TRAPPC9: variants seen among roughly 807,000 people sequenced by gnomAD.
TRAPPC9 encodes IKK2 binding protein.
A neutral mutation model predicts 124.0 loss-of-function variants in TRAPPC9; 83 were observed. The observed-to-expected ratio is 0.67, with a 90% CI of 0.56 to 0.80. The LOEUF (loss-of-function observed/expected upper bound fraction) is 0.80, where lower values mean the gene tolerates loss of function less well. TRAPPC9 is among the 30% of genes least tolerant of loss of function. The probability of loss-of-function intolerance (pLI) is 0.00; values close to 1 mark genes in which losing one functional copy is unlikely to be tolerated. For missense variants in TRAPPC9, 1,302 were observed against 1,508.3 expected, an observed-to-expected ratio of 0.86 and a Z score of 2.27; for synonymous variants, 638 against 617.5, an observed-to-expected ratio of 1.03 and a Z score of -0.49.
intron 20 of TRAPPC9, among the ~76,000 whole-genome samples, chr8:139,901,215 C>G (rs1002378569): frequency 2.6e-5 from 4 of 152,118 alleles, no homozygotes; most frequent in Admixed American, 6.5e-5. Flanking sequence ...GGAAAATAGG[C>G]TGTTTGCATC....
At chr8:139,945,543 C>CAAAA (rs61528944) in intron 19 of TRAPPC9, among the ~76,000 whole-genome samples, 52 of 66,164 alleles carry the variant, frequency 7.9e-4, no homozygotes, top group Admixed American at 1.0e-3. Flanking sequence ...GCACAATTAG[C>CAAAA]AAAAAAAAAA....
rs116464181 is a variant in TRAPPC9 at position 140,027,424 on chromosome 8, G to A, written c.2557-3345C>T. ...ACACTGGCTTCTTGTTTGTTTTTTT[G>A]AGGTAAACTTAAAAGTCACCTACAG... On this transcript the variant is annotated intron_variant, in intron 17 of 22. Coordinates refer to ENST00000438773, the MANE Select transcript of TRAPPC9 (RefSeq NM_001160372.4). 4.8e-3 allele frequency among the ~76,000 whole-genome samples: 735 copies of A among 152,066 alleles called. 6 individuals carry two copies. Among genetic ancestry groups the A allele is most frequent in the African/African-American group, 0.017 (692 of 41,466 alleles).
chr8:140,272,130 C>CGATGGTGATGGTGGCGATGGT (rs2064931327), intron 15 of TRAPPC9, among the ~76,000 whole-genome samples: 9 of 100,382 alleles, frequency 9.0e-5, no homozygotes, highest in African/African-American at 3.1e-4. Context: ...GTGATGGTGG[C>CGATGGTGATGGTGGCGATGGT]GATGGTGATG....
intron 17 of TRAPPC9, among the ~76,000 whole-genome samples, chr8:140,078,000 A>G (rs541272337): frequency 1.3e-5 from 2 of 152,294 alleles, no homozygotes; most frequent in African/African-American, 4.8e-5. Flanking sequence ...AATTAGATAC[A>G]AAGTGTGAAA....
Position 139,853,199 on chromosome 8 carries a change from G to A in TRAPPC9, c.3055+32680C>T, listed in dbSNP as rs139196376. On this transcript the variant is annotated intron_variant, in intron 21 of 22. Transcript: ENST00000438773. ...GGTTCTGGCCAGCCTTCCCAAGCTC[G>A]GCTCCTGTAGCACATGGCGGTGGCA... 3.1e-3 allele frequency among the ~76,000 whole-genome samples: 476 copies of A among 152,240 alleles called. 3 individuals are homozygous for A. The highest frequency in any genetic ancestry group is 4.4e-3 in the Non-Finnish European group (299 of 68,000).
Position 140,221,498 on chromosome 8 carries a change from TGGGTTCACA to T in TRAPPC9, c.2508_2516del (p.Val837_Pro839del). 6.2e-7 allele frequency: 1 copy of T among 1,614,080 alleles called. No homozygotes were observed. The highest frequency in any genetic ancestry group is 1.1e-5 in the South Asian group (1 of 91,070). ...AGTCGCCTGCTTTGTTGCTCTCGGG[TGGGTTCACA>T]GGTTTGCCCTCCACTCGGGGCCGAA... On this transcript the variant is annotated inframe_deletion, in exon 17 of 23. Coordinates refer to ENST00000438773, the MANE Select transcript of TRAPPC9 (RefSeq NM_001160372.4).
rs539669625 is a variant in TRAPPC9, at chr8:139,967,340, T to C, written c.2810+21386A>G. Among the ~76,000 whole-genome samples the C allele has an allele frequency of 7.2e-5, 11 of 152,328 alleles. No individual in the cohort carries two copies. In the South Asian group the frequency reaches 2.1e-3, roughly 29 times the overall value. On this transcript the variant is annotated intron_variant, in intron 19 of 22. Transcript: ENST00000438773. Reference sequence around the variant, plus strand: ...GGCTGCAATAGACACAGAACTTAAATGAGAAACAAGTATTTGTGCTGCTGC... The same window carrying C: ...GGCTGCAATAGACACAGAACTTAAACGAGAAACAAGTATTTGTGCTGCTGC...
At chr8:139,766,513 T>C (rs1820594539) in intron 21 of TRAPPC9, among the ~76,000 whole-genome samples, 1 of 152,204 alleles carries the variant, frequency 6.6e-6, no homozygotes, top group African/African-American at 2.4e-5. Flanking sequence ...TGTGGCTCTG[T>C]CTAAGTCCTT....
intron 6 of TRAPPC9, among the ~76,000 whole-genome samples, chr8:140,404,817 T>C (rs1031983435): frequency 2.0e-5 from 3 of 151,926 alleles, no homozygotes; most frequent in Non-Finnish European, 4.4e-5. Flanking sequence ...CATGTGTGTA[T>C]GTGCATGTGT....
intron 21 of TRAPPC9, among the ~76,000 whole-genome samples, chr8:139,784,608 C>CATACATATATATATATAT (rs1554643612): frequency 3.4e-5 from 3 of 88,674 alleles, no homozygotes; most frequent in African/African-American, 1.2e-4. Flanking sequence ...AAAAGACTGA[C>CATACATATATATATATAT]ATATATATAT....
At chr8:139,758,522 G>A (rs924217135) in intron 21 of TRAPPC9, among the ~76,000 whole-genome samples, 1 of 152,210 alleles carries the variant, frequency 6.6e-6, no homozygotes, top group Non-Finnish European at 1.5e-5. Context: ...GCTGTGGGGA[G>A]GCCGGGGGCA....
At chr8:140,246,513 C>G (rs1426763878) in intron 16 of TRAPPC9, among the ~76,000 whole-genome samples, 1 of 152,168 alleles carries the variant, frequency 6.6e-6, no homozygotes, top group African/African-American at 2.4e-5. Context: ...AACTTCATAT[C>G]TGACATCAGT....
chr8:140,015,494 G>A (rs1839405894), intron 18 of TRAPPC9, among the ~76,000 whole-genome samples: 1 of 152,166 alleles, frequency 6.6e-6, no homozygotes, highest in Admixed American at 6.5e-5. Flanking sequence ...TTGTGTTCCA[G>A]GCCTTGCAAT....
chr8:140,400,057 C>A (rs769233833), intron 6 of TRAPPC9, among the ~76,000 whole-genome samples: 1 of 152,214 alleles, frequency 6.6e-6, no homozygotes, highest in African/African-American at 2.4e-5. Context: ...CTGCTGCCAT[C>A]CATGTAAGAC....
intron 16 of TRAPPC9, among the ~76,000 whole-genome samples, chr8:140,229,333 G>T (rs2063535234): frequency 7.2e-6 from 1 of 138,668 alleles, no homozygotes; most frequent in Non-Finnish European, 1.5e-5. Flanking sequence ...TGTGATCTCG[G>T]CTCACTGCAA....
intron 16 of TRAPPC9, among the ~76,000 whole-genome samples, chr8:140,234,654 T>G (rs1429116759): frequency 6.6e-6 from 1 of 152,258 alleles, no homozygotes; most frequent in African/African-American, 2.4e-5. Context: ...TAAGTCCTGT[T>G]ACCTGATTAG....
At position 139,787,365 on chromosome 8, in the gene TRAPPC9, C is replaced by T. The variant is rs182614855; in HGVS notation, c.3056-55163G>A. ...AGTCATGACTCTTTCATCCTCACTG[C>T]AGCCTTGGGAGCAGGGGTTGCTGTC... is the stretch of plus-strand genomic sequence containing the variant. On this transcript the variant is annotated intron_variant, in intron 21 of 22. Coordinates refer to ENST00000438773, the MANE Select transcript of TRAPPC9 (RefSeq NM_001160372.4). 5.4e-3 allele frequency among the ~76,000 whole-genome samples: 815 copies of T among 152,238 alleles called. 1 individual carries two copies. The highest frequency in any genetic ancestry group is 6.6e-3 in the Non-Finnish European group (446 of 68,018).
intron 17 of TRAPPC9, among the ~76,000 whole-genome samples, chr8:140,170,304 C>G (rs1234074576): frequency 2.0e-5 from 3 of 152,050 alleles, no homozygotes; most frequent in African/African-American, 7.2e-5. Flanking sequence ...ATCACTCTAC[C>G]AAAGGAGACA....
chr8:140,294,852 C>A (rs986552327), intron 11 of TRAPPC9, among the ~76,000 whole-genome samples: 1 of 152,120 alleles, frequency 6.6e-6, no homozygotes, highest in East Asian at 1.9e-4. Flanking sequence ...CTCAACTAAT[C>A]CCCCCCACCT....
Sources: gnomAD v4.1 joint callset for allele counts (sites outside exome capture counted in the v4.1 genomes callset) on GRCh38, gnomAD v4.1.1 for gene constraint, MANE v1.5 for transcripts, NCBI Gene and HGNC (gene_info 2026-07-23, HGNC 2026-07-21) for gene names.